B3GALT1: variants seen among roughly 807,000 people sequenced by gnomAD.
The protein encoded by B3GALT1 is UDP-Gal:betaGlcNAc beta 1,3-galactosyltransferase, polypeptide 1.
A neutral mutation model predicts 23.2 loss-of-function variants in B3GALT1; 10 were observed. The ratio of observed to expected loss-of-function variants is 0.43; its 90% confidence interval spans 0.27 to 0.73. The LOEUF (loss-of-function observed/expected upper bound fraction) is 0.73, where lower values mean the gene tolerates loss of function less well. Ranked by LOEUF, B3GALT1 falls within the 30% of genes least tolerant of loss-of-function variation. B3GALT1 has a pLI of 0.21. For synonymous variants in B3GALT1, 156 were observed against 141.5 expected, an observed-to-expected ratio of 1.10 and a Z score of -0.73; for missense variants, 299 against 405.4, an observed-to-expected ratio of 0.74 and a Z score of 2.25.
chr2:167,600,708 G>A (rs190814266), intron 2 of B3GALT1, among the ~76,000 whole-genome samples: 2 of 152,302 alleles, frequency 1.3e-5, no homozygotes, highest in Non-Finnish European at 2.9e-5. Flanking sequence ...TGTGACATGT[G>A]TCAGGACTGC....
chr2:167,714,523 T>G, intron 3 of B3GALT1: 1 of 1,612,370 alleles, frequency 6.2e-7, no homozygotes, highest in South Asian at 1.1e-5. Flanking sequence ...GCGAACGCTC[T>G]CTGCCAAATG....
rs1687095824 is a variant in B3GALT1 at position 167,713,575 on chromosome 2, G to A, written c.-352+66609G>A. On this transcript the variant is annotated intron_variant, in intron 3 of 4. Transcript: ENST00000392690. ...CATTAAACTTCAATTTGAGAAAAGTGTAATCACTTAAGTAACAGCAGTTAC... is the reference window on the plus strand; with the variant it reads ...CATTAAACTTCAATTTGAGAAAAGTATAATCACTTAAGTAACAGCAGTTAC... The A allele has an allele frequency of 4.9e-6, 4 of 810,236 alleles. No homozygotes were observed. In the South Asian group the frequency reaches 6.9e-5, roughly 14 times the overall value. The allele number at this position is 810,236 out of a possible 1,614,324, so 50.2% of individuals were successfully genotyped here.
intron 1 of B3GALT1, among the ~76,000 whole-genome samples, chr2:167,303,247 G>C (rs569663943): frequency 2.6e-4 from 40 of 152,128 alleles, no homozygotes; most frequent in African/African-American, 9.6e-4. Flanking sequence ...AAATTTATGT[G>C]TTTAATTTTA....
intron 1 of B3GALT1, among the ~76,000 whole-genome samples, chr2:167,344,281 C>T (rs546938351): frequency 2.0e-5 from 3 of 152,232 alleles, no homozygotes; most frequent in South Asian, 4.2e-4. Context: ...CCAAAACAAA[C>T]TCACCTTCAC....
chr2:167,466,636 A>G (rs1699348779), intron 1 of B3GALT1, among the ~76,000 whole-genome samples: 1 of 149,708 alleles, frequency 6.7e-6, no homozygotes, highest in Non-Finnish European at 1.5e-5. Flanking sequence ...AAAAAAAAAA[A>G]GGATGGTCTT....
intron 2 of B3GALT1, among the ~76,000 whole-genome samples, chr2:167,643,884 CT>C (rs1012271026): frequency 3.9e-5 from 6 of 152,170 alleles, no homozygotes; most frequent in Non-Finnish European, 8.8e-5. Flanking sequence ...GGGGACAGCT[CT>C]TTTTGCCAAG....
chr2:167,325,207 T>C (rs1302693517), intron 1 of B3GALT1, among the ~76,000 whole-genome samples: 1 of 152,122 alleles, frequency 6.6e-6, no homozygotes, highest in African/African-American at 2.4e-5. Context: ...ATTTCTTTTT[T>C]TTTGTTTTTT....
chr2:167,826,769 A>C (rs1467786742), intron 4 of B3GALT1, among the ~76,000 whole-genome samples: 6 of 152,204 alleles, frequency 3.9e-5, no homozygotes, highest in Non-Finnish European at 8.8e-5. Context: ...CACAACAATA[A>C]AAGATAATAT....
At chr2:167,458,530 C>G (rs567668628) in intron 1 of B3GALT1, among the ~76,000 whole-genome samples, 3 of 152,200 alleles carry the variant, frequency 2.0e-5, no homozygotes, top group Non-Finnish European at 4.4e-5. Flanking sequence ...TGAGAAACTT[C>G]TCTACTGTCT....
chr2:167,843,928 G>C (rs1371050229), intron 4 of B3GALT1, among the ~76,000 whole-genome samples: 1 of 152,118 alleles, frequency 6.6e-6, no homozygotes, highest in Non-Finnish European at 1.5e-5. Context: ...GAAGTTTCTA[G>C]GACAAGGCTT....
intron 3 of B3GALT1, chr2:167,713,961 A>G (rs1687103391): frequency 2.6e-6 from 4 of 1,560,710 alleles, no homozygotes; most frequent in Non-Finnish European, 3.5e-6. Context: ...ACTGGAAACA[A>G]TGGACCACTG....
chr2:167,540,861 G>T lies in B3GALT1; in HGVS notation c.-410+50584G>T, dbSNP rs181058640. 4.6e-5 allele frequency among the ~76,000 whole-genome samples: 7 copies of T among 152,216 alleles called. 1 individual carries two copies. The highest frequency in any genetic ancestry group is 1.7e-4 in the African/African-American group (7 of 41,536). ...ATAAAGGTGACTTCATTCAAACAAG[G>T]CTACCAACCAAATGGCAACAGTGGA... On this transcript the variant is annotated intron_variant, in intron 2 of 4. Coordinates refer to ENST00000392690, the MANE Select transcript of B3GALT1 (RefSeq NM_020981.4).
intron 2 of B3GALT1, among the ~76,000 whole-genome samples, chr2:167,643,493 G>A (rs1052826225): frequency 3.3e-5 from 5 of 152,166 alleles, no homozygotes; most frequent in Non-Finnish European, 7.3e-5. Flanking sequence ...TGAAACCAAA[G>A]TAGTCTATGA....
chr2:167,416,015 T>A (rs10803825), intron 1 of B3GALT1, among the ~76,000 whole-genome samples: 2 of 152,120 alleles, frequency 1.3e-5, no homozygotes, highest in Admixed American at 1.3e-4. Context: ...AAAAAAAGAT[T>A]TGGAAAACTC....
intron 1 of B3GALT1, among the ~76,000 whole-genome samples, chr2:167,301,378 T>G (rs1008160130): frequency 2.0e-5 from 3 of 152,190 alleles, no homozygotes; most frequent in Non-Finnish European, 4.4e-5. Context: ...ACTGATGGGC[T>G]AAATCAGCAT....
intron 1 of B3GALT1, among the ~76,000 whole-genome samples, chr2:167,464,207 A>G (rs1478014958): frequency 1.3e-5 from 2 of 152,142 alleles, no homozygotes; most frequent in Admixed American, 6.6e-5. Context: ...ATGATTAGAA[A>G]AACCCAAAGC....
chr2:167,854,215 A>G (rs962268465), intron 4 of B3GALT1, among the ~76,000 whole-genome samples: 1 of 152,174 alleles, frequency 6.6e-6, no homozygotes, highest in African/African-American at 2.4e-5. Context: ...TCTTCATCTC[A>G]TTTTATACTT....
intron 1 of B3GALT1, among the ~76,000 whole-genome samples, chr2:167,426,652 T>C (rs1163093120): frequency 2.0e-5 from 3 of 152,198 alleles, no homozygotes; most frequent in African/African-American, 4.8e-5. Flanking sequence ...TAGACAGTCC[T>C]AGTAATTATT....
intron 1 of B3GALT1, among the ~76,000 whole-genome samples, chr2:167,383,778 C>T (rs1697879915): frequency 6.6e-6 from 1 of 152,198 alleles, no homozygotes; most frequent in Non-Finnish European, 1.5e-5. Flanking sequence ...TACTGATGAA[C>T]CAAGCACCTC....
Sources: allele counts gnomAD v4.1 joint callset (sites outside exome capture counted in the v4.1 genomes callset), GRCh38; gene constraint gnomAD v4.1.1; transcripts MANE v1.5; gene names NCBI Gene and HGNC (gene_info 2026-07-23, HGNC 2026-07-21).